The following JAKMIP2 variants were observed in gnomAD, a reference collection of about 807,000 sequenced individuals.
The protein encoded by JAKMIP2 is janus kinase and microtubule-interacting protein 2.
JAKMIP2 carries 25 observed loss-of-function variants against 115.0 expected under a neutral mutation model. The observed-to-expected ratio is 0.22, with a 90% CI of 0.16 to 0.30. The LOEUF is 0.30. Ranked by LOEUF, JAKMIP2 falls within the 10% of genes least tolerant of loss-of-function variation. JAKMIP2 has a pLI of 1.00. For missense variants in JAKMIP2, 642 were observed against 957.6 expected, an observed-to-expected ratio of 0.67 and a Z score of 4.35; for synonymous variants, 334 against 343.6, an observed-to-expected ratio of 0.97 and a Z score of 0.31.
intron 2 of JAKMIP2, among the ~76,000 whole-genome samples, chr5:147,669,970 C>G (rs1382348171): frequency 6.6e-6 from 1 of 152,174 alleles, no homozygotes; most frequent in Non-Finnish European, 1.5e-5. Context: ...TATGGAGAAG[C>G]AGATTCAGTC....
chr5:147,702,663 A>C (rs1418570729), intron 1 of JAKMIP2, among the ~76,000 whole-genome samples: 1 of 105,950 alleles, frequency 9.4e-6, no homozygotes, highest in Admixed American at 1.0e-4. Context: ...AAAGAAAGAA[A>C]GAGAGAGAAA....
intron 1 of JAKMIP2, among the ~76,000 whole-genome samples, chr5:147,721,161 G>T (rs1005960976): frequency 2.6e-5 from 4 of 151,594 alleles, no homozygotes; most frequent in Non-Finnish European, 5.9e-5. Flanking sequence ...TAGGCTGCTC[G>T]GGGGTCAGGA....
At chr5:147,662,360 T>C (rs150881675) in intron 2 of JAKMIP2, among the ~76,000 whole-genome samples, 20 of 152,270 alleles carry the variant, frequency 1.3e-4, no homozygotes, top group East Asian at 5.8e-4. Flanking sequence ...CCAAGTAGTT[T>C]GATAAAATAT....
chr5:147,696,313 A>C (rs1437257308), intron 1 of JAKMIP2, among the ~76,000 whole-genome samples: 1 of 152,142 alleles, frequency 6.6e-6, no homozygotes, highest in Non-Finnish European at 1.5e-5. Flanking sequence ...ATCATGGGAC[A>C]GTTTCCCTCA....
chr5:147,753,643 C>T (rs1754639831), intron 1 of JAKMIP2, among the ~76,000 whole-genome samples: 2 of 152,102 alleles, frequency 1.3e-5, no homozygotes, highest in South Asian at 2.1e-4. Context: ...TTAATGCCTG[C>T]TCATTGTTCT....
chr5:147,670,679 C>T (rs909417267), intron 2 of JAKMIP2, among the ~76,000 whole-genome samples: 11 of 152,104 alleles, frequency 7.2e-5, no homozygotes, highest in East Asian at 3.9e-4. Context: ...GAGCACCTGA[C>T]GTAAATTTTT....
intron 4 of JAKMIP2, 24 bp downstream of exon 4, chr5:147,650,314 T>C (rs748060383): frequency 3.4e-6 from 5 of 1,467,860 alleles, no homozygotes; most frequent in Non-Finnish European, 4.8e-6. Context: ...TGTGCATTCT[T>C]AACTTCAACT....
intron 1 of JAKMIP2, among the ~76,000 whole-genome samples, chr5:147,680,330 G>T (rs1760192730): frequency 6.6e-6 from 1 of 152,092 alleles, no homozygotes; most frequent in Admixed American, 6.5e-5. Flanking sequence ...CTGCTTCTGG[G>T]GAAATACGAC....
At chr5:147,745,998 T>A (rs574866240) in intron 1 of JAKMIP2, among the ~76,000 whole-genome samples, 251 of 152,256 alleles carry the variant, frequency 1.6e-3, no homozygotes, top group African/African-American at 5.8e-3. Context: ...GTATTTACAA[T>A]TATTATTGTT....
intron 11 of JAKMIP2, among the ~76,000 whole-genome samples, chr5:147,636,751 T>C (rs1234697308): frequency 6.6e-6 from 1 of 152,192 alleles, no homozygotes; most frequent in Non-Finnish European, 1.5e-5. Flanking sequence ...TTCTCTCTCT[T>C]GCCCAAGCTC....
At chr5:147,686,358 A>G (rs1026993394) in intron 1 of JAKMIP2, among the ~76,000 whole-genome samples, 1 of 152,046 alleles carries the variant, frequency 6.6e-6, no homozygotes, top group Admixed American at 6.6e-5. Context: ...TTTTCCATCA[A>G]ATCTACCTTT....
At chr5:147,740,606 A>G (rs1487987235) in intron 1 of JAKMIP2, among the ~76,000 whole-genome samples, 1 of 152,174 alleles carries the variant, frequency 6.6e-6, no homozygotes, top group Non-Finnish European at 1.5e-5. Flanking sequence ...ACAACTTAGA[A>G]GCAGTGTGGA....
Position 147,591,557 on chromosome 5 carries a change from C to T in JAKMIP2, c.*150G>A. Reference sequence around the variant, plus strand: ...CCTTGAATAATGGCTTTAAAATACACAGTTGTAGTCCTGGCTACAGGGTAG... The same window carrying T: ...CCTTGAATAATGGCTTTAAAATACATAGTTGTAGTCCTGGCTACAGGGTAG... On this transcript the variant is annotated 3_prime_UTR_variant, in exon 22 of 22. Transcript: ENST00000616793. The T allele has an allele frequency of 1.2e-6, 1 of 811,172 alleles. No individual in the cohort carries two copies. The highest frequency in any genetic ancestry group is 2.5e-5 in the East Asian group (1 of 40,048). 50.2% of individuals were successfully genotyped at this position (811,172 alleles called of 1,614,324 possible).
chr5:147,617,234 T>G (rs149267829), intron 19 of JAKMIP2, among the ~76,000 whole-genome samples: 190 of 152,360 alleles, frequency 1.2e-3, no homozygotes, highest in African/African-American at 4.3e-3. Context: ...TTAGACACAC[T>G]GACCTTGGAG....
In JAKMIP2 at chr5:147,661,335, C is replaced by T. The variant is rs1758962222; in HGVS notation, c.240G>A (p.Glu80=). Residue 80 remains glutamate, a synonymous_variant, in exon 3 of 22, where the codon GAG becomes GAA. Transcript: ENST00000616793. ...VTELKAKLHE[E]KMKELQAVRE... ...TCACAGCCTGCAGCTCCTTCATCTT[C>T]TCCTCATGGAGCTTGGCTTTGAGTT... 1 of 1,614,056 alleles carries T rather than the reference C, an allele frequency of 6.2e-7. No homozygotes were observed. Among genetic ancestry groups the T allele is most frequent in the African/African-American group, 1.3e-5 (1 of 75,006 alleles).
Position 147,650,290 on chromosome 5 carries a change from A to C in JAKMIP2, c.837+48T>G, listed in dbSNP as rs1454341187. On this transcript the variant is annotated intron_variant, in intron 4 of 21. Coordinates refer to ENST00000616793, the MANE Select transcript of JAKMIP2 (RefSeq NM_001270941.2). The stretch of plus-strand genomic sequence containing the variant: ...AGTAAAAGGTAAAACTTGGGAGCTA[A>C]ATAAAAGATGACTTGTGCATTCTTA... 3 of 1,217,198 alleles carry C rather than the reference A, an allele frequency of 2.5e-6. No homozygotes were observed. In the African/African-American group the frequency reaches 4.5e-5, roughly 18 times the overall value. 75.4% of individuals were successfully genotyped at this position (1,217,198 alleles called of 1,614,324 possible).
intron 1 of JAKMIP2, among the ~76,000 whole-genome samples, chr5:147,742,148 TA>T (rs1561571011): frequency 1.8e-5 from 2 of 111,016 alleles, no homozygotes; most frequent in African/African-American, 8.0e-5. Flanking sequence ...ATTATATATA[TA>T]TATATATTTT....
chr5:147,609,842 T>C (rs2126618399), intron 20 of JAKMIP2, among the ~76,000 whole-genome samples: 1 of 152,330 alleles, frequency 6.6e-6, no homozygotes, highest in East Asian at 1.9e-4. Context: ...TCTTTACACA[T>C]AGTCTCATAG....
At chr5:147,611,153 T>G (rs1445828156) in intron 20 of JAKMIP2, among the ~76,000 whole-genome samples, 3 of 152,194 alleles carry the variant, frequency 2.0e-5, no homozygotes, top group Non-Finnish European at 2.9e-5. Flanking sequence ...GCAAGACCAC[T>G]TGGCTCCCTG....
Sources: gnomAD v4.1 joint callset for allele counts (sites outside exome capture counted in the v4.1 genomes callset) on GRCh38, gnomAD v4.1.1 for gene constraint, MANE v1.5 for transcripts, NCBI Gene and HGNC (gene_info 2026-07-23, HGNC 2026-07-21) for gene names.